Variants in AMH observed in about 807,000 individuals in gnomAD.
The protein encoded by AMH is anti-Muellerian hormone.
Under a neutral mutation model 33.3 loss-of-function variants are expected in AMH, and 39 were observed. The observed-to-expected ratio is 1.17, with a 90% CI of 0.91 to 1.53. AMH has a LOEUF of 1.53. Ranked by LOEUF, AMH falls within the 40% of genes most tolerant of loss-of-function variation. The probability of loss-of-function intolerance (pLI) is 0.00; values close to 1 mark genes in which losing one functional copy is unlikely to be tolerated. For missense variants in AMH, 1,019 were observed against 799.8 expected, an observed-to-expected ratio of 1.27 and a Z score of -3.30; for synonymous variants, 536 against 403.0, an observed-to-expected ratio of 1.33 and a Z score of -3.95.
At chr19:2,249,986 C>T (rs550643674) in intron 1 of AMH, 2 of 624,442 alleles carry the variant, frequency 3.2e-6, no homozygotes, top group Non-Finnish European at 5.5e-6. Context: ...GCTGCCTTCT[C>T]CCCACCCCTG....
At position 2,251,433 on chromosome 19, in the gene AMH, G is replaced by A. The variant is rs1475618802; in HGVS notation, c.1159G>A (p.Ala387Thr). The part of the protein sequence containing the change: ...RRVAAELQAA[A>T]AELRSLPGLP... ...CGTGGCTGCTGAACTGCAAGCGGCG[G>A]CTGCCGAGCTGCGAAGCCTCCCGGG... The change falls in exon 5 of 5, where the codon GCT (alanine) becomes ACT (threonine). Residue 387 changes from alanine (A) to threonine (T), a missense_variant. Ala to Thr is a moderately conservative substitution (Grantham distance 58). Transcript: ENST00000221496. The A allele has an allele frequency of 7.0e-7, 1 of 1,438,598 alleles. No homozygotes were observed. The allele number at this position is 1,438,598 out of a possible 1,614,324, so 89.1% of individuals were successfully genotyped here. A position where few individuals can be genotyped will look rare whatever the true frequency, so the allele number is the denominator to read the frequency against.
rs185020288 is a variant in AMH, at chr19:2,249,682, G to A, written c.350G>A (p.Arg117Gln). ...CAGGCTGCCTTGCCCTCTCTACGGC[G>A]GCTGGGGGCCTGGCTGCGGGACCCT... ...DRQAALPSLR[R>Q]LGAWLRDPGG... Residue 117 changes from arginine (R) to glutamine (Q), a missense_variant, in exon 1 of 5, where the codon CGG becomes CAG. Transcript: ENST00000221496. 2.1e-4 allele frequency: 308 copies of A among 1,502,366 alleles called. 2 individuals are homozygous for A. In the Admixed American group the frequency reaches 2.8e-3, roughly 14 times the overall value. The allele number at this position is 1,502,366 out of a possible 1,614,324, so 93.1% of individuals were successfully genotyped here.
rs1481314667 is a variant in AMH at position 2,249,407 on chromosome 19, C to T, written c.75C>T (p.Leu25=). 1 of 1,595,302 alleles carries T rather than the reference C, an allele frequency of 6.3e-7. No homozygotes were observed. Among genetic ancestry groups the T allele is most frequent in the African/African-American group, 1.3e-5 (1 of 74,624 alleles). ...GGGCTCTGCTGGGGACTGAGGCCCT[C>T]AGAGCAGAGGAGCCAGCTGTGGGCA... ...ALGALLGTEA[L]RAEEPAVGTS... is the part of the protein sequence containing the mutation. Residue 25 remains leucine, a synonymous_variant, in exon 1 of 5, where the codon CTC becomes CTT. Coordinates refer to ENST00000221496, the MANE Select transcript of AMH (RefSeq NM_000479.5).
At position 2,249,357 on chromosome 19, in the gene AMH, C is replaced by A. The variant is rs1179977361; in HGVS notation, c.25C>A (p.Leu9Met). MRDLPLTS[L>M]ALVLSALGAL... is the part of the protein sequence containing the mutation. Reference sequence around the variant, plus strand: ...GATGCGGGACCTGCCTCTCACCAGCCTGGCCCTAGTGCTGTCTGCCCTGGG... The same window carrying A: ...GATGCGGGACCTGCCTCTCACCAGCATGGCCCTAGTGCTGTCTGCCCTGGG... Residue 9 changes from leucine (L) to methionine (M), a missense_variant, in exon 1 of 5, where the codon CTG (leucine) becomes ATG (methionine). Coordinates refer to ENST00000221496, the MANE Select transcript of AMH (RefSeq NM_000479.5). The A allele has an allele frequency of 4.4e-6, 7 of 1,579,768 alleles. No individual in the cohort carries two copies. The highest frequency in any genetic ancestry group is 5.2e-6 in the Non-Finnish European group (6 of 1,164,248).
In AMH at chr19:2,250,344, G is replaced by C. The variant is rs1370634234; in HGVS notation, c.420G>C (p.Trp140Cys). The C allele has an allele frequency of 6.3e-7, 1 of 1,597,768 alleles. No homozygotes were observed. Among genetic ancestry groups the C allele is most frequent in the African/African-American group, 1.3e-5 (1 of 74,770 alleles). The change falls in exon 2 of 5, where the codon TGG becomes TGC. Residue 140 changes from tryptophan to cysteine, a missense_variant. Physicochemically the swap from Trp to Cys is radical, Grantham distance 215. Transcript: ENST00000221496. ...CTGCTGTCCCGGCTGCAGTGACCTG[G>C]GAGCCAACACCCTCGCTGAGGTTCC... ...LVVLHLEEVT[W>C]EPTPSLRFQE...
rs1406100965 is a variant in AMH, at chr19:2,250,930, T to C, written c.746T>C (p.Leu249Pro). 2.6e-6 allele frequency: 4 copies of C among 1,552,772 alleles called. No homozygotes were observed. The highest frequency in any genetic ancestry group is 2.7e-5 in the African/African-American group (2 of 73,222). ...HRCFTRMTPA[L>P]LLLPRSEPAP... ...TGCTTCACACGGATGACCCCGGCCCTGCTCCTGCTGCCGCGGTCCGAGCCC... is the reference window on the plus strand; with the variant it reads ...TGCTTCACACGGATGACCCCGGCCCCGCTCCTGCTGCCGCGGTCCGAGCCC... The change falls in exon 4 of 5, where the codon CTG becomes CCG. Residue 249 changes from leucine to proline, a missense_variant. Physicochemically the swap from Leu to Pro is moderately conservative, Grantham distance 98. Coordinates refer to ENST00000221496, the MANE Select transcript of AMH (RefSeq NM_000479.5).
chr19:2,250,120 A>G, intron 1 of AMH: 1 of 738,950 alleles, frequency 1.4e-6, no homozygotes, highest in Admixed American at 2.5e-5. Context: ...CAACCCAGAG[A>G]CCCCAGGGCG....
intron 2 of AMH, 22 bp from the exon 3 acceptor site, chr19:2,250,630 G>A: frequency 6.5e-7 from 1 of 1,538,046 alleles, no homozygotes; most frequent in Non-Finnish European, 8.7e-7. Flanking sequence ...CATCCAGCCG[G>A]GCTGAGCCCT....
chr19:2,249,926 C>G, intron 1 of AMH, 182 bp downstream of exon 1: 3 of 736,864 alleles, frequency 4.1e-6, no homozygotes, highest in Non-Finnish European at 6.4e-6. Context: ...GTCCTGTCCC[C>G]GAAGCCCAGC....
Position 2,251,163 on chromosome 19 carries a change from C to T in AMH, c.889C>T (p.Leu297=). 2.6e-6 allele frequency: 4 copies of T among 1,521,006 alleles called. No individual in the cohort carries two copies. Among genetic ancestry groups the T allele is most frequent in the Non-Finnish European group, 1.8e-6 (2 of 1,140,840 alleles). The allele number at this position is 1,521,006 out of a possible 1,614,324, so 94.2% of individuals were successfully genotyped here. Residue 297 remains leucine, a synonymous_variant, in exon 5 of 5, where the codon CTG becomes TTG. Transcript: ENST00000221496. ...CCCCTTCCTGGAGACGCTCACGCGC[C>T]TGGTGCGGGCGCTGCGGGTCCCCCC... ...ADPFLETLTR[L]VRALRVPPAR...
At chr19:2,249,980 C>T in intron 1 of AMH, 1 of 625,276 alleles carries the variant, frequency 1.6e-6, no homozygotes, top group Non-Finnish European at 2.7e-6. Flanking sequence ...AGAGCTGCTG[C>T]CTTCTCCCCA....
chr19:2,249,476 C>G lies in AMH; in HGVS notation c.144C>G (p.Gly48=). Residue 48 remains glycine (G), a synonymous_variant, in exon 1 of 5, where the codon GGC becomes GGG. Transcript: ENST00000221496. ...IFREDLDWPP[G]SPQEPLCLVA... ...GAGAAGACTTGGACTGGCCTCCAGG[C>G]AGCCCACAAGAGCCTCTGTGCCTGG... 2 of 1,607,460 alleles carry G rather than the reference C, an allele frequency of 1.2e-6. No homozygotes were observed. Among genetic ancestry groups the G allele is most frequent in the Non-Finnish European group, 1.7e-6 (2 of 1,177,810 alleles).
chr19:2,251,203 C>T lies in AMH; in HGVS notation c.929C>T (p.Ala310Val). ...ALRVPPARASAPRLALDPDAL... is the reference protein window; with the variant it reads ...ALRVPPARASVPRLALDPDAL... ...CGGGTCCCCCCGGCCCGGGCCTCCG[C>T]GCCGCGCCTGGCCCTGGATCCGGAC... The change falls in exon 5 of 5, where the codon GCG becomes GTG. Residue 310 changes from alanine to valine, a missense_variant. Ala to Val is a moderately conservative substitution (Grantham distance 64, BLOSUM62 0). Transcript: ENST00000221496. The T allele has an allele frequency of 6.6e-7, 1 of 1,505,282 alleles. No individual in the cohort carries two copies. The highest frequency in any genetic ancestry group is 8.8e-7 in the Non-Finnish European group (1 of 1,134,082). 93.2% of individuals were successfully genotyped at this position (1,505,282 alleles called of 1,614,324 possible).
At chr19:2,251,058 G>A (rs1257315206) in intron 4 of AMH, 41 bp from the exon 5 acceptor site, 1 of 1,529,452 alleles carries the variant, frequency 6.5e-7, no homozygotes, top group Non-Finnish European at 8.7e-7. Flanking sequence ...GGGCGGCGTG[G>A]CCTCGTGGCC....
chr19:2,250,985 C>T lies in AMH; in HGVS notation c.801C>T (p.Asp267=). The T allele has an allele frequency of 1.1e-5, 16 of 1,516,306 alleles. No individual in the cohort carries two copies. Among genetic ancestry groups the T allele is most frequent in the Non-Finnish European group, 1.4e-5 (16 of 1,139,328 alleles). The allele number at this position is 1,516,306 out of a possible 1,614,324, so 93.9% of individuals were successfully genotyped here. Residue 267 remains aspartate, a synonymous_variant, in exon 4 of 5, where the codon GAC becomes GAT. Coordinates refer to ENST00000221496, the MANE Select transcript of AMH (RefSeq NM_000479.5). Reference sequence around the variant, plus strand: ...CGCTGCCTGCGCACGGCCAGCTGGACACCGTGCCCTTCCCGCCGCCCAGGT... The same window carrying T: ...CGCTGCCTGCGCACGGCCAGCTGGATACCGTGCCCTTCCCGCCGCCCAGGT... ...PAPLPAHGQL[D]TVPFPPPRPS... is the part of the protein sequence containing the mutation.
At position 2,250,282 on chromosome 19, in the gene AMH, T is replaced by TC. The variant is rs111234888; in HGVS notation, c.413-52dup. On this transcript the variant is annotated intron_variant, in intron 1 of 4. Coordinates refer to ENST00000221496, the MANE Select transcript of AMH (RefSeq NM_000479.5). ...AGCGGCAGGGACAGATCCCAAAGAT[T>TC]CCCGGGGGGTGTGGCCTTCAATGGC... The TC allele has an allele frequency of 1.7e-4, 261 of 1,552,694 alleles. No homozygotes were observed. In the African/African-American group the frequency reaches 2.3e-3, roughly 14 times the overall value.
chr19:2,251,672 G>A lies in AMH; in HGVS notation c.1398G>A (p.Glu466=). ...TAADGPCALR[E]LSVDLRAERS... ...CCGACGGGCCGTGCGCGCTGCGCGA[G>A]CTCAGCGTAGACCTCCGCGCCGAGC... The change falls in exon 5 of 5, where the codon GAG becomes GAA. Residue 466 remains glutamate, a synonymous_variant. Coordinates refer to ENST00000221496, the MANE Select transcript of AMH (RefSeq NM_000479.5). 1.2e-6 allele frequency: 2 copies of A among 1,609,490 alleles called. No homozygotes were observed. Among genetic ancestry groups the A allele is most frequent in the East Asian group, 2.2e-5 (1 of 44,730 alleles).
intron 1 of AMH, 190 bp from the exon 2 acceptor site, chr19:2,250,147 C>T: frequency 1.0e-6 from 1 of 954,514 alleles, no homozygotes; most frequent in Non-Finnish European, 1.6e-6. Flanking sequence ...CCACCCACAG[C>T]CTCAGACGCA....
rs750247506 is a variant in AMH at position 2,251,968 on chromosome 19, G to C, written c.*11G>C. ...TGTGGCTGCCGGTGACCCCTGCGCC[G>C]CGCGGACTCCTGCCCCGAGGGTCCG... On this transcript the variant is annotated 3_prime_UTR_variant, in exon 5 of 5. Transcript: ENST00000221496. The C allele has an allele frequency of 3.9e-6, 6 of 1,538,904 alleles. No homozygotes were observed. The African/African-American group carries it at 6.8e-5, about 18-fold the overall frequency.
Sources: allele counts gnomAD v4.1 joint callset, GRCh38; gene constraint gnomAD v4.1.1; transcripts MANE v1.5; gene names NCBI Gene and HGNC (gene_info 2026-07-23, HGNC 2026-07-21).